The following IGF2BP2 variants were observed in gnomAD, a reference collection of about 807,000 sequenced individuals.
IGF2BP2 encodes insulin like growth factor 2 mRNA binding protein 2, also known as insulin-like growth factor 2 mRNA-binding protein 2.
Under a neutral mutation model 75.8 loss-of-function variants are expected in IGF2BP2, and 17 were observed. That is an observed-to-expected ratio of 0.22 (90% CI 0.15 to 0.34). The LOEUF (loss-of-function observed/expected upper bound fraction) is 0.34. Ranked by LOEUF, IGF2BP2 falls within the 10% of genes least tolerant of loss-of-function variation. The pLI is 1.00. For synonymous variants in IGF2BP2, 288 were observed against 295.6 expected, an observed-to-expected ratio of 0.97 and a Z score of 0.26; for missense variants, 516 against 772.4, an observed-to-expected ratio of 0.67 and a Z score of 3.93.
intron 2 of IGF2BP2, among the ~76,000 whole-genome samples, chr3:185,723,375 G>C (rs1296410179): frequency 6.6e-6 from 1 of 152,158 alleles, no homozygotes; most frequent in African/African-American, 2.4e-5. Context: ...GGGTATTAGG[G>C]CTGGGAAGAT....
In IGF2BP2 at chr3:185,658,252, G is replaced by A. The variant is rs544990914; in HGVS notation, c.1269+89C>T. Reference sequence around the variant, plus strand: ...ACCAGAACCACAGGAGACAAGATCTGCATTGTGAACATTCACTGGCCACCA... The same window carrying A: ...ACCAGAACCACAGGAGACAAGATCTACATTGTGAACATTCACTGGCCACCA... On this transcript the variant is annotated intron_variant, in intron 11 of 15. Transcript: ENST00000382199. 71 of 1,217,488 alleles carry A rather than the reference G, an allele frequency of 5.8e-5. No homozygotes were observed. The African/African-American group carries it at 9.5e-4, about 16-fold the overall frequency. The allele number at this position is 1,217,488 out of a possible 1,614,324, so 75.4% of individuals were successfully genotyped here.
intron 2 of IGF2BP2, among the ~76,000 whole-genome samples, chr3:185,793,412 G>A (rs1578323037): frequency 1.3e-5 from 2 of 152,006 alleles, no homozygotes; most frequent in South Asian, 4.2e-4. Flanking sequence ...TACTTTTCAC[G>A]CCAAGCTGCC....
At chr3:185,813,686 C>T (rs1474713263) in intron 2 of IGF2BP2, among the ~76,000 whole-genome samples, 1 of 152,228 alleles carries the variant, frequency 6.6e-6, no homozygotes, top group Non-Finnish European at 1.5e-5. Flanking sequence ...ACCCCTACAA[C>T]CATCGAAGCT....
chr3:185,794,513 A>C (rs1273816373), intron 2 of IGF2BP2, among the ~76,000 whole-genome samples: 3 of 152,166 alleles, frequency 2.0e-5, no homozygotes, highest in Non-Finnish European at 4.4e-5. Context: ...GATAGGACTC[A>C]GGCCAGTATT....
At chr3:185,704,295 AGT>A (rs1491255544) in intron 2 of IGF2BP2, among the ~76,000 whole-genome samples, 2 of 152,082 alleles carry the variant, frequency 1.3e-5, no homozygotes, top group African/African-American at 4.8e-5. Flanking sequence ...CGCGCTCATT[AGT>A]GTGTCTTTCC....
chr3:185,755,887 C>T (rs769744086), intron 2 of IGF2BP2, among the ~76,000 whole-genome samples: 2 of 152,118 alleles, frequency 1.3e-5, no homozygotes, highest in Non-Finnish European at 2.9e-5. Flanking sequence ...GATGAGATTT[C>T]GGACTTTGAG....
intron 7 of IGF2BP2, among the ~76,000 whole-genome samples, chr3:185,682,907 G>A (rs753431428): frequency 6.6e-6 from 1 of 152,078 alleles, no homozygotes; most frequent in Non-Finnish European, 1.5e-5. Context: ...ATTAAGAGTA[G>A]AACTACCATA....
At chr3:185,822,082 T>G (rs1741444448) in intron 2 of IGF2BP2, among the ~76,000 whole-genome samples, 1 of 152,172 alleles carries the variant, frequency 6.6e-6, no homozygotes, top group Admixed American at 6.5e-5. Flanking sequence ...TGTTGCTTAC[T>G]TAAAATAAAA....
chr3:185,801,856 A>G (rs958515390), intron 2 of IGF2BP2, among the ~76,000 whole-genome samples: 1 of 152,098 alleles, frequency 6.6e-6, no homozygotes, highest in African/African-American at 2.4e-5. Flanking sequence ...GTGAGTTCAT[A>G]TCCTTTGCAG....
chr3:185,812,239 C>T (rs574921065), intron 2 of IGF2BP2, among the ~76,000 whole-genome samples: 1 of 152,262 alleles, frequency 6.6e-6, no homozygotes, highest in South Asian at 2.1e-4. Flanking sequence ...AACCCTGCTT[C>T]CACCTCCTGA....
intron 12 of IGF2BP2, among the ~76,000 whole-genome samples, chr3:185,654,851 C>G (rs1715173932): frequency 6.6e-6 from 1 of 152,208 alleles, no homozygotes. Flanking sequence ...GACGGGAGCT[C>G]AGCTCTCACC....
rs553976802 is a variant in IGF2BP2 at position 185,661,803 on chromosome 3, G to C, written c.1201-3394C>G. Among the ~76,000 whole-genome samples the C allele has an allele frequency of 1.2e-4, 19 of 152,238 alleles. No individual in the cohort carries two copies. In the East Asian group the frequency reaches 3.7e-3, roughly 29 times the overall value. On this transcript the variant is annotated intron_variant, in intron 10 of 15. Coordinates refer to ENST00000382199, the MANE Select transcript of IGF2BP2 (RefSeq NM_006548.6). ...CACAAAAGAGAACTTCAAGTACTGT[G>C]AAAGAAATGAACAAGAACAGGCAAG...
chr3:185,689,369 C>T lies in IGF2BP2; in HGVS notation c.663G>A (p.Lys221=). The T allele has an allele frequency of 6.2e-7, 1 of 1,613,440 alleles. No homozygotes were observed. Among genetic ancestry groups the T allele is most frequent in the Non-Finnish European group, 8.5e-7 (1 of 1,179,982 alleles). ...KEGLTIKNIT[K]QTQSRVDIHR... is the part of the protein sequence containing the mutation. ...CAGGCACGTACCGGGACTGGGTCTG[C>T]TTAGTGATGTTCTTTATGGTCAAGC... The change falls in exon 6 of 16, where the codon AAG becomes AAA. Residue 221 remains lysine (K), a synonymous_variant. Coordinates refer to ENST00000382199, the MANE Select transcript of IGF2BP2 (RefSeq NM_006548.6).
At chr3:185,784,995 T>C (rs1735673714) in intron 2 of IGF2BP2, among the ~76,000 whole-genome samples, 1 of 152,186 alleles carries the variant, frequency 6.6e-6, no homozygotes, top group Middle Eastern at 3.2e-3. Flanking sequence ...GCCTGTGTTT[T>C]CTTTTCAATT....
At chr3:185,690,302 T>C (rs180735967) in intron 5 of IGF2BP2, among the ~76,000 whole-genome samples, 2 of 152,356 alleles carry the variant, frequency 1.3e-5, no homozygotes, top group East Asian at 1.9e-4. Context: ...TTCAGAAATA[T>C]GTAAGTGCAA....
chr3:185,685,284 G>C (rs1720962018), intron 7 of IGF2BP2, among the ~76,000 whole-genome samples: 2 of 152,026 alleles, frequency 1.3e-5, no homozygotes, highest in Non-Finnish European at 2.9e-5. Flanking sequence ...GGAGACGGGA[G>C]GTTGCAGTGA....
rs1008495202 is a variant in IGF2BP2, at chr3:185,732,552, A to G, written c.240-34205T>C. 3.9e-5 allele frequency among the ~76,000 whole-genome samples: 6 copies of G among 152,188 alleles called. No individual in the cohort carries two copies. The South Asian group carries it at 8.3e-4, about 21-fold the overall frequency. Reference sequence around the variant, plus strand: ...GACTTCAAAACCCTCTAAGGCAAGCACCCCTTGCCCAGCCCCCAACATACT... The same window carrying G: ...GACTTCAAAACCCTCTAAGGCAAGCGCCCCTTGCCCAGCCCCCAACATACT... On this transcript the variant is annotated intron_variant, in intron 2 of 15. Transcript: ENST00000382199.
intron 2 of IGF2BP2, among the ~76,000 whole-genome samples, chr3:185,807,175 G>T (rs185312356): frequency 3.6e-4 from 55 of 152,158 alleles, no homozygotes; most frequent in Admixed American, 3.1e-3. Context: ...AAAAAATCAG[G>T]TTTCTGAGAT....
At chr3:185,756,648 C>T (rs367953958) in intron 2 of IGF2BP2, among the ~76,000 whole-genome samples, 1 of 152,198 alleles carries the variant, frequency 6.6e-6, no homozygotes, top group African/African-American at 2.4e-5. Flanking sequence ...TCTATGGCCA[C>T]GTGTTTTGAT....
Sources: allele counts gnomAD v4.1 joint callset (sites outside exome capture counted in the v4.1 genomes callset), GRCh38; gene constraint gnomAD v4.1.1; transcripts MANE v1.5; gene names NCBI Gene and HGNC (gene_info 2026-07-23, HGNC 2026-07-21).